Variants in SLC14A2 observed in about 807,000 individuals in gnomAD.
SLC14A2 encodes the protein solute carrier family 14 member 2.
A neutral mutation model predicts 104.6 loss-of-function variants in SLC14A2; 91 were observed. The ratio of observed to expected loss-of-function variants is 0.87; its 90% CI spans 0.73 to 1.04. The LOEUF (loss-of-function observed/expected upper bound fraction) is 1.04. Ranked by LOEUF, SLC14A2 falls within the 50% of genes least tolerant of loss-of-function variation. The pLI is 0.00. For synonymous variants in SLC14A2, 476 were observed against 466.4 expected (o/e 1.02, Z -0.27); for missense variants, 1,189 against 1,156.0 (o/e 1.03, Z -0.41).
intron 1 of SLC14A2, among the ~76,000 whole-genome samples, chr18:45,318,428 G>C (rs182931785): frequency 5.9e-5 from 9 of 152,286 alleles, no homozygotes; most frequent in African/African-American, 2.2e-4. Flanking sequence ...GCTGACAACT[G>C]TTGTACAGCC....
At chr18:45,216,422 C>G (rs907707995) in intron 1 of SLC14A2, among the ~76,000 whole-genome samples, 1 of 152,192 alleles carries the variant, frequency 6.6e-6, no homozygotes, top group African/African-American at 2.4e-5. Context: ...TTCCTGAATA[C>G]TTTGTGCTGG....
chr18:45,537,474 G>A lies in SLC14A2; in HGVS notation c.-35+54152G>A, dbSNP rs4890285. ...GGACAGGGAACAGAGCCAGCACAAAGCCCTAAAGTGGCAGTGTGCTGGCAG... is the reference window on the plus strand; with the variant it reads ...GGACAGGGAACAGAGCCAGCACAAAACCCTAAAGTGGCAGTGTGCTGGCAG... On this transcript the variant is annotated intron_variant, in intron 2 of 20. Transcript: ENST00000586448. 8.6e-3 allele frequency among the ~76,000 whole-genome samples: 1,315 copies of A among 152,266 alleles called. 24 individuals are homozygous for A. Among genetic ancestry groups the A allele is most frequent in the Admixed American group, 0.045 (691 of 15,288 alleles).
intron 1 of SLC14A2, among the ~76,000 whole-genome samples, chr18:45,356,620 G>A (rs1441640460): frequency 2.0e-5 from 3 of 152,182 alleles, no homozygotes; most frequent in Non-Finnish European, 4.4e-5. Flanking sequence ...TAAAATGTAG[G>A]CCAACAGTCT....
intron 18 of SLC14A2, among the ~76,000 whole-genome samples, chr18:45,678,559 T>C (rs749924146): frequency 2.0e-5 from 3 of 152,254 alleles, no homozygotes; most frequent in African/African-American, 4.8e-5. Flanking sequence ...CCTCAAGCTT[T>C]CAGAACGCTG....
intron 15 of SLC14A2, among the ~76,000 whole-genome samples, chr18:45,669,081 G>C (rs1260392037): frequency 6.6e-6 from 1 of 152,236 alleles, no homozygotes; most frequent in African/African-American, 2.4e-5. Context: ...TTCTGAGACT[G>C]CCTGCCTTAT....
At chr18:45,433,809 AG>A (rs1378617462) in intron 1 of SLC14A2, among the ~76,000 whole-genome samples, 2 of 152,186 alleles carry the variant, frequency 1.3e-5, no homozygotes, top group Non-Finnish European at 2.9e-5. Flanking sequence ...GGAGATCCTG[AG>A]TGGACACTGA....
intron 1 of SLC14A2, among the ~76,000 whole-genome samples, chr18:45,321,448 G>A (rs536417885): frequency 4.5e-4 from 68 of 152,332 alleles, no homozygotes; most frequent in African/African-American, 1.5e-3. Flanking sequence ...GTTCTATGTG[G>A]AAAGTGGATG....
rs564253525 is a variant in SLC14A2 at position 45,491,512 on chromosome 18, G to A, written c.-35+8190G>A. On this transcript the variant is annotated intron_variant, in intron 2 of 20. Coordinates refer to the SLC14A2 transcript ENST00000586448. ...CAGAAAGGATAAAAAGGGTGCGATAGTACCTATAGTGTTTTATTTCTTTAA... is the reference window on the plus strand; with the variant it reads ...CAGAAAGGATAAAAAGGGTGCGATAATACCTATAGTGTTTTATTTCTTTAA... Among the ~76,000 whole-genome samples, 6 of 152,290 alleles carry A rather than the reference G, an allele frequency of 3.9e-5. No individual in the cohort carries two copies. The South Asian group carries it at 1.0e-3, about 26-fold the overall frequency.
At chr18:45,414,473 C>T (rs180895342) in intron 1 of SLC14A2, among the ~76,000 whole-genome samples, 95 of 152,130 alleles carry the variant, frequency 6.2e-4, no homozygotes, top group Non-Finnish European at 9.9e-4. Context: ...TTCCCTCTCT[C>T]ATCAGTCTCT....
chr18:45,265,745 T>A (rs997450526), intron 1 of SLC14A2, among the ~76,000 whole-genome samples: 3 of 152,186 alleles, frequency 2.0e-5, no homozygotes, highest in African/African-American at 7.2e-5. Flanking sequence ...GGCAAGCCCA[T>A]CATTTGGGAA....
chr18:45,540,351 C>T (rs920411677), intron 2 of SLC14A2, among the ~76,000 whole-genome samples: 11 of 152,158 alleles, frequency 7.2e-5, no homozygotes, highest in African/African-American at 1.7e-4. Context: ...ACCCCCAGTG[C>T]GCGGGGCTGC....
At chr18:45,602,855 T>C (rs1200259857) in intron 2 of SLC14A2, among the ~76,000 whole-genome samples, 3 of 152,214 alleles carry the variant, frequency 2.0e-5, no homozygotes, top group African/African-American at 7.2e-5. Context: ...GTTTAGCCAA[T>C]TGATGTCATC....
chr18:45,666,187 T>G lies in SLC14A2; in HGVS notation c.1525T>G (p.Tyr509Asp). ...QERQNKDPFP[Y>D]RYRKPTVELL... ...AAGACAAAACAAAGACCCATTTCCCTATCGATACCGGAAGCCCACAGTCGA... is the reference window on the plus strand; with the variant it reads ...AAGACAAAACAAAGACCCATTTCCCGATCGATACCGGAAGCCCACAGTCGA... Residue 509 changes from tyrosine to aspartate, a missense_variant, in exon 12 of 20, where the codon TAT (tyrosine) becomes GAT (aspartate). Transcript: ENST00000255226. 1 of 1,613,936 alleles carries G rather than the reference T, an allele frequency of 6.2e-7. No individual in the cohort carries two copies. The highest frequency in any genetic ancestry group is 1.7e-5 in the Admixed American group (1 of 60,010).
At chr18:45,505,153 A>G (rs907006848) in intron 2 of SLC14A2, among the ~76,000 whole-genome samples, 13 of 152,314 alleles carry the variant, frequency 8.5e-5, no homozygotes, top group South Asian at 2.1e-4. Flanking sequence ...AAACAATTTT[A>G]TGAGGGATTA....
chr18:45,183,583 C>T, the SLC14A2 span, among the ~76,000 whole-genome samples: 2 of 151,772 alleles, frequency 1.3e-5, no homozygotes, highest in African/African-American at 4.8e-5. Flanking sequence ...AGGAGTCTGA[C>T]ACTTTCCTAG....
chr18:45,298,594 C>G (rs769097887), intron 1 of SLC14A2, among the ~76,000 whole-genome samples: 3 of 152,170 alleles, frequency 2.0e-5, no homozygotes, highest in Non-Finnish European at 2.9e-5. Context: ...GATTAGTAAA[C>G]CTGATCAAAG....
chr18:45,577,441 G>A (rs1256743050), intron 2 of SLC14A2, among the ~76,000 whole-genome samples: 4 of 152,174 alleles, frequency 2.6e-5, no homozygotes, highest in Non-Finnish European at 5.9e-5. Context: ...GACTTCACCT[G>A]TTGATAGAAG....
chr18:45,385,851 A>G (rs1225084625), intron 1 of SLC14A2, among the ~76,000 whole-genome samples: 1 of 152,220 alleles, frequency 6.6e-6, no homozygotes, highest in African/African-American at 2.4e-5. Context: ...AGTAAGAGAA[A>G]GAACCTAAGT....
At chr18:45,535,245 G>A (rs2043762270) in intron 2 of SLC14A2, among the ~76,000 whole-genome samples, 1 of 152,184 alleles carries the variant, frequency 6.6e-6, no homozygotes, top group African/African-American at 2.4e-5. Flanking sequence ...TGCTATTAAT[G>A]ACAAAGCTGG....
Sources: gnomAD v4.1 joint callset for allele counts (sites outside exome capture counted in the v4.1 genomes callset) on GRCh38, gnomAD v4.1.1 for gene constraint, MANE v1.5 for transcripts, NCBI Gene and HGNC (gene_info 2026-07-23, HGNC 2026-07-21) for gene names.